The following TRAPPC9 variants were observed in gnomAD, a reference collection of about 807,000 sequenced individuals.
The protein encoded by TRAPPC9 is trafficking protein particle complex subunit 9.
In TRAPPC9, 83 loss-of-function variants were observed where a neutral mutation model predicts 124.0. The ratio of observed to expected loss-of-function variants is 0.67; its 90% confidence interval spans 0.56 to 0.80. The LOEUF is 0.80. Among genes scored for constraint, TRAPPC9 ranks in the 30% least tolerant of loss-of-function variants. The probability of loss-of-function intolerance (pLI) is 0.00; values close to 1 mark genes in which losing one functional copy is unlikely to be tolerated. For synonymous variants in TRAPPC9, 638 were observed against 617.5 expected, an observed-to-expected ratio of 1.03 and a Z score of -0.49; for missense variants, 1,302 against 1,508.3, an observed-to-expected ratio of 0.86 and a Z score of 2.27.
rs958975882 is a variant in TRAPPC9, at chr8:139,960,914, T to C, written c.2810+27812A>G. Among the ~76,000 whole-genome samples, 323 of 125,422 alleles carry C rather than the reference T, an allele frequency of 2.6e-3. 92 individuals are homozygous for C. Among genetic ancestry groups the C allele is most frequent in the Non-Finnish European group, 5.3e-3 (279 of 52,456 alleles). The allele number at this position is 125,422 out of a possible 152,430, so 82.3% of individuals were successfully genotyped here. A position where few individuals can be genotyped will look rare whatever the true frequency, so the allele number is the denominator to read the frequency against. ...GTAGGGACAAATAATGGTTGTTCGG[T>C]GGCTTAACCCCTAACGTTTTAGGAT... On this transcript the variant is annotated intron_variant, in intron 19 of 22. Coordinates refer to ENST00000438773, the MANE Select transcript of TRAPPC9 (RefSeq NM_001160372.4).
intron 18 of TRAPPC9, among the ~76,000 whole-genome samples, chr8:140,022,984 A>C (rs1176457046): frequency 6.6e-6 from 1 of 152,250 alleles, no homozygotes; most frequent in East Asian, 1.9e-4. Context: ...CATGGACAAC[A>C]ACATGCTGTC....
rs143066849 is a variant in TRAPPC9, at chr8:140,165,694, A to G, written c.2556+55765T>C. Among the ~76,000 whole-genome samples, 434 of 151,984 alleles carry G rather than the reference A, an allele frequency of 2.9e-3. 2 individuals are homozygous for G. The highest frequency in any genetic ancestry group is 0.01 in the African/African-American group (420 of 41,414). On this transcript the variant is annotated intron_variant, in intron 17 of 22. Coordinates refer to ENST00000438773, the MANE Select transcript of TRAPPC9 (RefSeq NM_001160372.4). Reference sequence around the variant, plus strand: ...GAAGAACTACCATTATCTTCATTTGACTGATGAGGAAGCTGAAGTCCATAG... The same window carrying G: ...GAAGAACTACCATTATCTTCATTTGGCTGATGAGGAAGCTGAAGTCCATAG...
At chr8:140,109,628 T>C (rs1330568585) in intron 17 of TRAPPC9, among the ~76,000 whole-genome samples, 2 of 152,194 alleles carry the variant, frequency 1.3e-5, no homozygotes, top group African/African-American at 4.8e-5. Flanking sequence ...CACCTTACTG[T>C]ATTCAGGGGT....
At chr8:140,108,245 A>G (rs563358292) in intron 17 of TRAPPC9, among the ~76,000 whole-genome samples, 1 of 152,366 alleles carries the variant, frequency 6.6e-6, no homozygotes, top group South Asian at 2.1e-4. Flanking sequence ...TTGGAAAACC[A>G]GAATCAGAAG....
intron 21 of TRAPPC9, among the ~76,000 whole-genome samples, chr8:139,810,098 G>A (rs1824334995): frequency 6.6e-6 from 1 of 152,250 alleles, no homozygotes; most frequent in Non-Finnish European, 1.5e-5. Flanking sequence ...AACCCACAGA[G>A]AGACAGACAG....
At chr8:139,950,709 G>A (rs1834583172) in intron 19 of TRAPPC9, among the ~76,000 whole-genome samples, 2 of 152,160 alleles carry the variant, frequency 1.3e-5, no homozygotes, top group Admixed American at 1.3e-4. Context: ...ATCACCATGG[G>A]TTTCTTGATA....
intron 9 of TRAPPC9, among the ~76,000 whole-genome samples, chr8:140,327,778 T>C (rs570118569): frequency 1.3e-5 from 2 of 152,336 alleles, no homozygotes; most frequent in African/African-American, 4.8e-5. Context: ...AGAATTATTG[T>C]GTAATGCGTA....
intron 17 of TRAPPC9, among the ~76,000 whole-genome samples, chr8:140,054,229 T>G (rs1046658929): frequency 6.6e-6 from 1 of 152,196 alleles, no homozygotes; most frequent in African/African-American, 2.4e-5. Flanking sequence ...TGTTGACCAT[T>G]TGGGTTATGG....
At chr8:140,343,007 C>T (rs778279172) in intron 9 of TRAPPC9, among the ~76,000 whole-genome samples, 3 of 152,108 alleles carry the variant, frequency 2.0e-5, no homozygotes, top group East Asian at 1.9e-4. Context: ...GGGAAGCTTG[C>T]GATCACTATG....
At chr8:139,959,366 T>C (rs1256586938) in intron 19 of TRAPPC9, among the ~76,000 whole-genome samples, 1 of 152,190 alleles carries the variant, frequency 6.6e-6, no homozygotes, top group Admixed American at 6.5e-5. Context: ...AGCCACAACA[T>C]CCATAAATCA....
At chr8:140,271,487 G>A (rs895651463) in intron 15 of TRAPPC9, among the ~76,000 whole-genome samples, 7 of 152,112 alleles carry the variant, frequency 4.6e-5, no homozygotes, top group Admixed American at 1.3e-4. Context: ...CACACCAAGG[G>A]TATACATAAA....
At chr8:140,136,105 G>C (rs1384730974) in intron 17 of TRAPPC9, among the ~76,000 whole-genome samples, 1 of 152,168 alleles carries the variant, frequency 6.6e-6, no homozygotes, top group African/African-American at 2.4e-5. Context: ...TGTTTCCAGT[G>C]ATTTGGAGAG....
intron 21 of TRAPPC9, among the ~76,000 whole-genome samples, chr8:139,740,045 T>C (rs7839776): frequency 0.86 from 130,780 of 152,270 alleles, 56,245 homozygotes; most frequent in East Asian, 0.89. Flanking sequence ...ACCAGGGCCA[T>C]GTCCCAGAAG....
At chr8:140,259,945 A>G (rs779611162) in intron 15 of TRAPPC9, among the ~76,000 whole-genome samples, 7 of 152,264 alleles carry the variant, frequency 4.6e-5, no homozygotes, top group Non-Finnish European at 1.0e-4. Flanking sequence ...CACAGTGAAT[A>G]TACGATTAAT....
At chr8:139,953,297 A>G (rs1407539360) in intron 19 of TRAPPC9, among the ~76,000 whole-genome samples, 1 of 152,218 alleles carries the variant, frequency 6.6e-6, no homozygotes, top group Non-Finnish European at 1.5e-5. Flanking sequence ...GTTGAAGACC[A>G]GCCTGGTCAA....
chr8:140,447,526 CAT>C (rs1564030155), intron 2 of TRAPPC9, among the ~76,000 whole-genome samples: 3 of 152,102 alleles, frequency 2.0e-5, no homozygotes, highest in East Asian at 1.9e-4. Flanking sequence ...AAATTAGAAA[CAT>C]ATAAGAACAG....
intron 17 of TRAPPC9, among the ~76,000 whole-genome samples, chr8:140,144,540 G>C (rs1380797294): frequency 6.6e-6 from 1 of 152,072 alleles, no homozygotes; most frequent in Non-Finnish European, 1.5e-5. Flanking sequence ...CCAGGCTGGA[G>C]TGCAGCAGTG....
intron 21 of TRAPPC9, among the ~76,000 whole-genome samples, chr8:139,803,560 C>A (rs2130694595): frequency 6.6e-6 from 1 of 152,356 alleles, no homozygotes; most frequent in African/African-American, 2.4e-5. Context: ...TGTGCACACA[C>A]AGACCCCAAA....
chr8:140,457,604 T>C, intron 1 of TRAPPC9, 35 bp downstream of exon 1: 4 of 985,656 alleles, frequency 4.1e-6, no homozygotes, highest in Non-Finnish European at 4.8e-6. Flanking sequence ...CCGGTCCGAA[T>C]TGCCTGACCG....
Sources: gnomAD v4.1 joint callset for allele counts (sites outside exome capture counted in the v4.1 genomes callset) on GRCh38, gnomAD v4.1.1 for gene constraint, MANE v1.5 for transcripts, NCBI Gene and HGNC (gene_info 2026-07-23, HGNC 2026-07-21) for gene names.